Variants in DNAH14 observed in about 807,000 individuals in gnomAD.
The protein encoded by DNAH14 is axonemal beta dynein heavy chain 14.
A neutral mutation model predicts 520.9 loss-of-function variants in DNAH14; 478 were observed. The ratio of observed to expected loss-of-function variants is 0.92; its 90% CI spans 0.85 to 0.99. The LOEUF (loss-of-function observed/expected upper bound fraction) is 0.99, where lower values mean the gene tolerates loss of function less well. Among genes scored for constraint, DNAH14 ranks in the 50% least tolerant of loss-of-function variants. The pLI, the probability that DNAH14 is intolerant of heterozygous loss-of-function variation, is 0.00. For synonymous variants in DNAH14, 1,581 were observed against 1,757.2 expected (o/e 0.90, Z 2.51); for missense variants, 4,831 against 5,234.5 (o/e 0.92, Z 2.38).
intron 18 of DNAH14, 67 bp downstream of exon 18, chr1:225,079,615 G>A: frequency 8.2e-7 from 1 of 1,225,090 alleles, no homozygotes; most frequent in Non-Finnish European, 1.1e-6. Flanking sequence ...CGTAAGTCCA[G>A]GCATTTGGGT....
chr1:225,157,815 A>C (rs1192488844), intron 34 of DNAH14, among the ~76,000 whole-genome samples: 1 of 152,202 alleles, frequency 6.6e-6, no homozygotes, highest in Non-Finnish European at 1.5e-5. Context: ...CTCTTTGCCA[A>C]AATACATTCA....
chr1:225,370,105 C>A (rs1468237178), intron 77 of DNAH14, among the ~76,000 whole-genome samples: 1 of 152,022 alleles, frequency 6.6e-6, no homozygotes, highest in Non-Finnish European at 1.5e-5. Flanking sequence ...GCCTGACCAA[C>A]GAGGAGTAAC....
Position 224,986,501 on chromosome 1 carries a change from G to A in DNAH14, c.830+12348G>A, listed in dbSNP as rs556052864. Among the ~76,000 whole-genome samples the A allele has an allele frequency of 3.3e-5, 5 of 151,990 alleles. No individual in the cohort carries two copies. In the South Asian group the frequency reaches 1.0e-3, roughly 32 times the overall value. On this transcript the variant is annotated intron_variant, in intron 8 of 85. Coordinates refer to ENST00000682510, the MANE Select transcript of DNAH14 (RefSeq NM_001367479.1). ...GTTCAACATATCAACATTTGTATTT[G>A]CAACATTTGCATATTGATTGATATG...
intron 36 of DNAH14, among the ~76,000 whole-genome samples, chr1:225,185,034 A>T (rs1338062120): frequency 6.6e-6 from 1 of 152,048 alleles, no homozygotes; most frequent in Non-Finnish European, 1.5e-5. Flanking sequence ...TAAAAAATAA[A>T]TTTTAAAAAA....
At chr1:225,262,660 T>C (rs2092973739) in intron 46 of DNAH14, among the ~76,000 whole-genome samples, 1 of 151,960 alleles carries the variant, frequency 6.6e-6, no homozygotes, top group African/African-American at 2.4e-5. Context: ...TTGTAAGTAT[T>C]TGGCTTTATT....
Position 224,960,134 on chromosome 1 carries a change from A to G in DNAH14, c.218-19A>G, listed in dbSNP as rs761360216. 21 of 1,555,562 alleles carry G rather than the reference A, an allele frequency of 1.3e-5. No homozygotes were observed. The South Asian group carries it at 2.1e-4, about 16-fold the overall frequency. On this transcript the variant is annotated intron_variant, in intron 3 of 85. Coordinates refer to ENST00000682510, the MANE Select transcript of DNAH14 (RefSeq NM_001367479.1). ...ACAGCTCACACTAGTTATTCAGTTA[A>G]TAATGGTTTTATTTTCAGATTACCT...
intron 41 of DNAH14, among the ~76,000 whole-genome samples, chr1:225,209,815 G>A (rs188226424): frequency 5.6e-4 from 86 of 152,296 alleles, no homozygotes; most frequent in Non-Finnish European, 9.8e-4. Context: ...CATCTCAATA[G>A]GACTGGTTAG....
At chr1:225,289,829 C>A (rs1045655057) in intron 54 of DNAH14, 56 bp from the exon 55 acceptor site, 1 of 1,172,718 alleles carries the variant, frequency 8.5e-7, no homozygotes, top group East Asian at 3.1e-5. Flanking sequence ...GAAAACTATA[C>A]GTTGAAAGAT....
chr1:225,174,500 T>C (rs1452664789), intron 36 of DNAH14, among the ~76,000 whole-genome samples: 2 of 152,246 alleles, frequency 1.3e-5, no homozygotes, highest in Non-Finnish European at 2.9e-5. Context: ...ATAGAAATGC[T>C]ACTGATTTTT....
chr1:225,181,884 A>G (rs1409143603), intron 36 of DNAH14, among the ~76,000 whole-genome samples: 1 of 152,166 alleles, frequency 6.6e-6, no homozygotes, highest in African/African-American at 2.4e-5. Flanking sequence ...AAACCAAAAG[A>G]ATAAAATATA....
intron 4 of DNAH14, chr1:224,961,040 C>A (rs1331501756): frequency 6.6e-6 from 1 of 152,196 alleles, no homozygotes; most frequent in Non-Finnish European, 1.5e-5. Flanking sequence ...TGGGTTGTCA[C>A]TGCTGTGATC....
chr1:225,310,208 A>G (rs1424971694), intron 60 of DNAH14, among the ~76,000 whole-genome samples: 2 of 151,812 alleles, frequency 1.3e-5, no homozygotes, highest in East Asian at 1.9e-4. Context: ...GTTTTTTGCC[A>G]TACCACAAAG....
At chr1:225,356,968 G>A (rs1448403597) in intron 73 of DNAH14, among the ~76,000 whole-genome samples, 2 of 152,236 alleles carry the variant, frequency 1.3e-5, no homozygotes, top group East Asian at 1.9e-4. Flanking sequence ...AGTGTTGAGT[G>A]TACATATAGG....
chr1:225,185,607 G>C (rs936685582), intron 37 of DNAH14, among the ~76,000 whole-genome samples, 182 bp downstream of exon 37: 1 of 151,948 alleles, frequency 6.6e-6, no homozygotes, highest in East Asian at 1.9e-4. Flanking sequence ...ATCATTACTA[G>C]TTTAAAGAAA....
At chr1:224,971,988 G>A (rs949706755) in intron 7 of DNAH14, among the ~76,000 whole-genome samples, 1 of 152,124 alleles carries the variant, frequency 6.6e-6, no homozygotes, top group Non-Finnish European at 1.5e-5. Flanking sequence ...ACTATTTTCT[G>A]TATCTTTTTA....
chr1:224,961,573 C>T (rs973429255), intron 4 of DNAH14, among the ~76,000 whole-genome samples: 2 of 151,990 alleles, frequency 1.3e-5, no homozygotes, highest in Non-Finnish European at 2.9e-5. Context: ...AGGGGAAATG[C>T]CAGATGCTTA....
intron 26 of DNAH14, 82 bp downstream of exon 26, chr1:225,119,376 AC>A: frequency 2.1e-6 from 2 of 972,110 alleles, no homozygotes; most frequent in Non-Finnish European, 2.8e-6. Flanking sequence ...ATTTTTTAAA[AC>A]TCACTTATCT....
chr1:225,381,684 A>C (rs533902795), intron 81 of DNAH14, 105 bp downstream of exon 81: 1 of 917,422 alleles, frequency 1.1e-6, no homozygotes, highest in South Asian at 1.9e-5. Context: ...TGAAATATGT[A>C]ACTCTTAAAA....
chr1:225,118,848 A>G (rs907069695), intron 25 of DNAH14, among the ~76,000 whole-genome samples: 1 of 145,726 alleles, frequency 6.9e-6, no homozygotes, highest in Non-Finnish European at 1.5e-5. Context: ...GCACCATTGC[A>G]CTCCAGCCTG....
Sources: allele counts gnomAD v4.1 joint callset (sites outside exome capture counted in the v4.1 genomes callset), GRCh38; gene constraint gnomAD v4.1.1; transcripts MANE v1.5; gene names NCBI Gene and HGNC (gene_info 2026-07-23, HGNC 2026-07-21).